The following CSMD1 variants were observed in gnomAD, a reference collection of about 807,000 sequenced individuals.
CSMD1 encodes CUB and sushi domain-containing protein 1.
CSMD1 carries 213 observed loss-of-function variants against 417.5 expected under a neutral mutation model. The ratio of observed to expected loss-of-function variants is 0.51; its 90% confidence interval spans 0.46 to 0.57. The LOEUF (loss-of-function observed/expected upper bound fraction) is 0.57, where lower values mean the gene tolerates loss of function less well. Among genes scored for constraint, CSMD1 ranks in the 20% least tolerant of loss-of-function variants. The pLI, the probability that CSMD1 is intolerant of heterozygous loss-of-function variation, is 0.00. For synonymous variants in CSMD1, 2,862 were observed against 1,736.8 expected, an observed-to-expected ratio of 1.65 and a Z score of -16.11; for missense variants, 6,923 against 4,529.7, an observed-to-expected ratio of 1.53 and a Z score of -15.17.
chr8:4,778,421 G>T (rs118085151), intron 1 of CSMD1, among the ~76,000 whole-genome samples: 231 of 152,218 alleles, frequency 1.5e-3, no homozygotes, highest in East Asian at 4.8e-3. Context: ...AGCTCCGGTG[G>T]TAATTTGAAG....
At chr8:4,372,459 G>A (rs768796332) in intron 3 of CSMD1, among the ~76,000 whole-genome samples, 1 of 151,716 alleles carries the variant, frequency 6.6e-6, no homozygotes, top group Non-Finnish European at 1.5e-5. Flanking sequence ...CTCAATTCAA[G>A]GGCAATAGTT....
At chr8:3,392,912 T>C (rs181920254) in intron 17 of CSMD1, among the ~76,000 whole-genome samples, 3 of 152,066 alleles carry the variant, frequency 2.0e-5, no homozygotes, top group African/African-American at 7.3e-5. Flanking sequence ...GGTTTTATTT[T>C]AAACCCCGCA....
chr8:2,968,424 CAAAT>C (rs1319198926), intron 57 of CSMD1, among the ~76,000 whole-genome samples: 1 of 152,166 alleles, frequency 6.6e-6, no homozygotes, highest in East Asian at 1.9e-4. Context: ...TTAAACAAGT[CAAAT>C]AACCGATGAA....
chr8:4,492,258 G>A (rs767356242), intron 2 of CSMD1, among the ~76,000 whole-genome samples: 36 of 152,022 alleles, frequency 2.4e-4, no homozygotes, highest in Non-Finnish European at 1.0e-4. Context: ...CTCAGCTAAC[G>A]ATTTAATGTT....
intron 5 of CSMD1, among the ~76,000 whole-genome samples, chr8:3,984,380 T>C (rs1398498970): frequency 6.6e-6 from 1 of 152,164 alleles, no homozygotes; most frequent in African/African-American, 2.4e-5. Context: ...TTTTCCTATT[T>C]AGACTTTTCA....
intron 5 of CSMD1, among the ~76,000 whole-genome samples, chr8:3,840,585 C>G (rs555812215): frequency 1.5e-4 from 23 of 152,080 alleles, no homozygotes; most frequent in Admixed American, 1.5e-3. Context: ...CAAGTTAAAA[C>G]ATGTGAGTGT....
intron 3 of CSMD1, among the ~76,000 whole-genome samples, chr8:4,236,294 A>G (rs1036132251): frequency 5.9e-5 from 9 of 152,198 alleles, no homozygotes; most frequent in African/African-American, 2.2e-4. Flanking sequence ...TTCTTACAGA[A>G]ACTAGAACGC....
chr8:3,700,263 C>G (rs922235791), intron 7 of CSMD1, among the ~76,000 whole-genome samples: 1 of 151,984 alleles, frequency 6.6e-6, no homozygotes, highest in Admixed American at 6.6e-5. Context: ...GGAAAAAATA[C>G]GAAAAATAAT....
intron 26 of CSMD1, among the ~76,000 whole-genome samples, chr8:3,282,455 C>A (rs1008764503): frequency 6.6e-6 from 1 of 152,176 alleles, no homozygotes; most frequent in Non-Finnish European, 1.5e-5. Context: ...ACTTTCTCAA[C>A]TTTTTTGTTT....
At chr8:3,992,619 A>G (rs1386281593) in intron 5 of CSMD1, among the ~76,000 whole-genome samples, 1 of 152,158 alleles carries the variant, frequency 6.6e-6, no homozygotes. Context: ...CCGTGTGTCT[A>G]CAAAAAATGT....
intron 2 of CSMD1, among the ~76,000 whole-genome samples, chr8:4,460,608 G>GC (rs927407043): frequency 6.6e-6 from 1 of 151,786 alleles, no homozygotes; most frequent in African/African-American, 2.4e-5. Flanking sequence ...TACTAAAATG[G>GC]GGGAAAAAAA....
chr8:4,240,389 A>G (rs2076117756), intron 3 of CSMD1, among the ~76,000 whole-genome samples: 1 of 152,216 alleles, frequency 6.6e-6, no homozygotes, highest in Admixed American at 6.5e-5. Context: ...TGCAGGCATC[A>G]CAGTTGAGCA....
At chr8:3,518,194 A>T (rs1331758974) in intron 10 of CSMD1, among the ~76,000 whole-genome samples, 1 of 152,198 alleles carries the variant, frequency 6.6e-6, no homozygotes, top group Non-Finnish European at 1.5e-5. Flanking sequence ...CGAACTATGG[A>T]CCAATGATTA....
chr8:4,569,606 A>T (rs1225070230), intron 2 of CSMD1, among the ~76,000 whole-genome samples: 1 of 152,188 alleles, frequency 6.6e-6, no homozygotes, highest in African/African-American at 2.4e-5. Flanking sequence ...CTTTTTGCTT[A>T]GGATTGTCTT....
intron 5 of CSMD1, among the ~76,000 whole-genome samples, chr8:3,839,719 T>C (rs1230128987): frequency 6.6e-6 from 1 of 150,666 alleles, no homozygotes; most frequent in East Asian, 1.9e-4. Context: ...ACAAGTCTCT[T>C]TAAAGCACTT....
At chr8:3,255,359 A>G (rs375962343) in intron 26 of CSMD1, among the ~76,000 whole-genome samples, 6 of 152,100 alleles carry the variant, frequency 3.9e-5, no homozygotes, top group African/African-American at 7.2e-5. Flanking sequence ...TCAGATCTCA[A>G]GCTGTGTGCT....
intron 6 of CSMD1, among the ~76,000 whole-genome samples, chr8:3,747,901 C>T (rs892496301): frequency 3.9e-5 from 6 of 152,074 alleles, no homozygotes; most frequent in East Asian, 1.9e-4. Flanking sequence ...CTCAGTGTGG[C>T]GAGCTCCCTC....
Position 3,142,445 on chromosome 8 carries a change from T to G in CSMD1, c.6241+20A>C. ...AAGTGTATTTAGATTTGGGTTTCGG[T>G]TCTCGTTGTTGTTCCATACCTTGGT... is the stretch of plus-strand genomic sequence containing the variant. On this transcript the variant is annotated intron_variant, in intron 41 of 69. Transcript: ENST00000635120. The G allele has an allele frequency of 1.3e-6, 2 of 1,598,828 alleles. No individual in the cohort carries two copies. Among genetic ancestry groups the G allele is most frequent in the Admixed American group, 3.5e-5 (2 of 57,946 alleles).
chr8:3,884,242 C>G lies in CSMD1; in HGVS notation c.818+113661G>C, dbSNP rs181560238. 2.1e-3 allele frequency among the ~76,000 whole-genome samples: 314 copies of G among 152,298 alleles called. 1 individual carries two copies. Among genetic ancestry groups the G allele is most frequent in the African/African-American group, 7.1e-3 (297 of 41,566 alleles). The stretch of plus-strand genomic sequence containing the variant: ...CCTTCCATTATCCTTTGATACGCCT[C>G]TAATGGCAAGTCTAACCTGTCTTCA... On this transcript the variant is annotated intron_variant, in intron 5 of 69. Transcript: ENST00000635120.
Sources: gnomAD v4.1 joint callset for allele counts (sites outside exome capture counted in the v4.1 genomes callset) on GRCh38, gnomAD v4.1.1 for gene constraint, MANE v1.5 for transcripts, NCBI Gene and HGNC (gene_info 2026-07-23, HGNC 2026-07-21) for gene names.